Variants in USP54 observed in about 807,000 individuals in gnomAD.
The protein encoded by USP54 is ubiquitin specific peptidase 54.
A neutral mutation model predicts 170.5 loss-of-function variants in USP54; 87 were observed. That is an observed-to-expected ratio of 0.51 (90% CI 0.43 to 0.61). The LOEUF is 0.61. Among genes scored for constraint, USP54 ranks in the 20% least tolerant of loss-of-function variants. USP54 has a pLI of 0.00. For missense variants in USP54, 1,786 were observed against 2,047.8 expected (o/e 0.87, Z 2.47); for synonymous variants, 655 against 742.8 (o/e 0.88, Z 1.92).
intron 1 of USP54, among the ~76,000 whole-genome samples, chr10:73,579,375 A>G (rs991126424): frequency 6.6e-6 from 1 of 152,230 alleles, no homozygotes; most frequent in Non-Finnish European, 1.5e-5. Flanking sequence ...TTAGTCAAAG[A>G]TTAAAAGAAA....
Position 73,504,842 on chromosome 10 carries a change from C to T in USP54, c.4311+8G>A. The T allele has an allele frequency of 6.2e-7, 1 of 1,614,142 alleles. No individual in the cohort carries two copies. The highest frequency in any genetic ancestry group is 1.1e-5 in the South Asian group (1 of 91,078). ...TGCTCTGAATAGATGGACCCTGATT[C>T]TACTTACAAAACTGTGGGAAGAAAC... On this transcript the variant is annotated splice_region_variant and intron_variant, in intron 22 of 23. Coordinates refer to ENST00000687698, the MANE Select transcript of USP54 (RefSeq NM_001391956.1).
At chr10:73,533,945 T>G (rs920354024) in intron 12 of USP54, among the ~76,000 whole-genome samples, 2 of 152,204 alleles carry the variant, frequency 1.3e-5, no homozygotes, top group Non-Finnish European at 2.9e-5. Flanking sequence ...GAGAACATGA[T>G]GATGTGCAAG....
At chr10:73,578,738 TTTAATTGAGAAA>T (rs2076459858) in intron 1 of USP54, among the ~76,000 whole-genome samples, 1 of 152,142 alleles carries the variant, frequency 6.6e-6, no homozygotes, top group Admixed American at 6.5e-5. Context: ...ACCAAGGCCA[TTTAATTGAGAAA>T]TGACAGTCTT....
intron 1 of USP54, among the ~76,000 whole-genome samples, chr10:73,586,771 A>T (rs1480562397): frequency 3.9e-5 from 6 of 152,176 alleles, no homozygotes; most frequent in Non-Finnish European, 7.3e-5. Flanking sequence ...CTACAACCAT[A>T]AAAAGGGCCA....
chr10:73,617,009 G>A (rs1189738513), intron 1 of USP54, among the ~76,000 whole-genome samples: 1 of 150,624 alleles, frequency 6.6e-6, no homozygotes, highest in Non-Finnish European at 1.5e-5. Flanking sequence ...GAAATAAAAA[G>A]ATGTTAGGCT....
At chr10:73,558,806 C>T (rs2071949738) in intron 4 of USP54, among the ~76,000 whole-genome samples, 1 of 152,136 alleles carries the variant, frequency 6.6e-6, no homozygotes, top group African/African-American at 2.4e-5. Context: ...TAACTTTTGA[C>T]ACCCCAAAAA....
intron 1 of USP54, among the ~76,000 whole-genome samples, chr10:73,613,213 C>T (rs2080303873): frequency 6.7e-6 from 1 of 149,542 alleles, no homozygotes; most frequent in Non-Finnish European, 1.5e-5. Flanking sequence ...TGGCTCACTG[C>T]AACCTCCACC....
chr10:73,602,661 C>T (rs561395175), intron 1 of USP54, among the ~76,000 whole-genome samples: 1 of 151,720 alleles, frequency 6.6e-6, no homozygotes, highest in African/African-American at 2.4e-5. Flanking sequence ...GAGTTCAAGG[C>T]CAGCCTGACC....
intron 18 of USP54, 78 bp from the exon 19 acceptor site, chr10:73,520,070 A>G: frequency 6.6e-7 from 1 of 1,522,150 alleles, no homozygotes; most frequent in Non-Finnish European, 8.8e-7. Flanking sequence ...TTGAAAAAAA[A>G]TGAGCAAAGA....
intron 20 of USP54, among the ~76,000 whole-genome samples, chr10:73,510,777 T>G (rs955945173): frequency 1.3e-5 from 2 of 152,170 alleles, no homozygotes; most frequent in Non-Finnish European, 2.9e-5. Context: ...TTGAATATAT[T>G]TGAAATTTCC....
intron 1 of USP54, among the ~76,000 whole-genome samples, chr10:73,590,813 C>A (rs2078159136): frequency 6.6e-6 from 1 of 152,172 alleles, no homozygotes; most frequent in Admixed American, 6.5e-5. Context: ...AAAAAAGAAT[C>A]ATTCAGCTAC....
At chr10:73,619,260 G>A (rs2080895597) in intron 1 of USP54, among the ~76,000 whole-genome samples, 1 of 150,074 alleles carries the variant, frequency 6.7e-6, no homozygotes, top group African/African-American at 2.5e-5. Flanking sequence ...CAGAGTGTCT[G>A]TTAGTTACTC....
chr10:73,619,226 ATTTCT>A (rs1253684686), intron 1 of USP54, among the ~76,000 whole-genome samples: 4 of 150,080 alleles, frequency 2.7e-5, no homozygotes, highest in Non-Finnish European at 4.4e-5. Context: ...AACTGCATGT[ATTTCT>A]TTTTTCTTTT....
rs572804376 is a variant in USP54, at chr10:73,538,857, T to G, written c.975+587A>C. ...GCTTTGTCACCTATAAATACAAAAC[T>G]GCTGAATGCCTGGTGAGGGGATTCA... is the stretch of plus-strand genomic sequence containing the variant. On this transcript the variant is annotated intron_variant, in intron 10 of 23. Coordinates refer to ENST00000687698, the MANE Select transcript of USP54 (RefSeq NM_001391956.1). Among the ~76,000 whole-genome samples, 5 of 152,174 alleles carry G rather than the reference T, an allele frequency of 3.3e-5. No individual in the cohort carries two copies. In the South Asian group the frequency reaches 1.0e-3, roughly 32 times the overall value.
At chr10:73,612,242 C>T (rs2080208836) in intron 1 of USP54, among the ~76,000 whole-genome samples, 1 of 151,826 alleles carries the variant, frequency 6.6e-6, no homozygotes, top group Non-Finnish European at 1.5e-5. Flanking sequence ...AGCTTCTCCC[C>T]AATTTTAAAT....
chr10:73,511,489 G>A (rs892455696), intron 20 of USP54, among the ~76,000 whole-genome samples: 7 of 151,694 alleles, frequency 4.6e-5, no homozygotes, highest in Admixed American at 3.3e-4. Context: ...GTGAAACCCC[G>A]TCTCTACAAA....
At chr10:73,535,807 T>C (rs1439647033) in intron 11 of USP54, among the ~76,000 whole-genome samples, 1 of 152,042 alleles carries the variant, frequency 6.6e-6, no homozygotes, top group Non-Finnish European at 1.5e-5. Context: ...GCCTCCCAAA[T>C]AGCTAGGATA....
At chr10:73,522,365 TG>T (rs1269369555) in intron 17 of USP54, among the ~76,000 whole-genome samples, 2 of 152,276 alleles carry the variant, frequency 1.3e-5, no homozygotes, top group Admixed American at 6.5e-5. Flanking sequence ...AAGCTATAGT[TG>T]ATCAATCACT....
At chr10:73,534,363 T>C (rs561609586) in intron 12 of USP54, among the ~76,000 whole-genome samples, 2 of 152,196 alleles carry the variant, frequency 1.3e-5, no homozygotes, top group East Asian at 1.9e-4. Flanking sequence ...CCTGCCACCA[T>C]GCCCAACTAA....
Sources: allele counts gnomAD v4.1 joint callset (sites outside exome capture counted in the v4.1 genomes callset), GRCh38; gene constraint gnomAD v4.1.1; transcripts MANE v1.5; gene names NCBI Gene and HGNC (gene_info 2026-07-23, HGNC 2026-07-21).